TM9SF4: variants seen among roughly 807,000 people sequenced by gnomAD.
TM9SF4 encodes the protein dinucleotide oxidase disulfide thiol exchanger 3 superfamily member 4.
A neutral mutation model predicts 90.4 loss-of-function variants in TM9SF4; 26 were observed. The observed-to-expected ratio is 0.29, with a 90% CI of 0.21 to 0.40. The LOEUF is 0.40. TM9SF4 is among the 10% of genes least tolerant of loss of function. TM9SF4 has a pLI of 1.00. For missense variants in TM9SF4, 549 were observed against 834.8 expected (o/e 0.66, Z 4.22); for synonymous variants, 293 against 315.4 (o/e 0.93, Z 0.75).
chr20:32,146,946 A>G lies in TM9SF4; in HGVS notation c.954+91A>G, dbSNP rs182724675. 9.9e-4 allele frequency: 1,241 copies of G among 1,259,812 alleles called. 2 individuals are homozygous for G. The highest frequency in any genetic ancestry group is 2.8e-3 in the Admixed American group (127 of 44,650). The allele number at this position is 1,259,812 out of a possible 1,614,324, so 78.0% of individuals were successfully genotyped here. A position where few individuals can be genotyped will look rare whatever the true frequency, so the allele number is the denominator to read the frequency against. ...TATGTTTGTGTATATTATCATTCAA[A>G]GAGGAAACCTCAAAATACTAAAACA... is the stretch of plus-strand genomic sequence containing the variant. On this transcript the variant is annotated intron_variant, in intron 9 of 17. Transcript: ENST00000398022.
intron 12 of TM9SF4, among the ~76,000 whole-genome samples, chr20:32,154,253 A>G (rs2046884901): frequency 6.6e-6 from 1 of 151,738 alleles, no homozygotes; most frequent in South Asian, 2.1e-4. Flanking sequence ...GGCTCAAGCA[A>G]TCCATCTGTT....
At chr20:32,151,394 T>A (rs2046838184) in intron 12 of TM9SF4, among the ~76,000 whole-genome samples, 2 of 152,038 alleles carry the variant, frequency 1.3e-5, no homozygotes, top group African/African-American at 4.8e-5. Flanking sequence ...AGAGGGGGTC[T>A]CGAGATTGAC....
chr20:32,133,053 G>A lies in TM9SF4; in HGVS notation c.56G>A (p.Cys19Tyr), dbSNP rs774241363. 1.2e-6 allele frequency: 2 copies of A among 1,614,196 alleles called. No individual in the cohort carries two copies. The highest frequency in any genetic ancestry group is 2.2e-5 in the East Asian group (1 of 44,888). ...TCTTTACTGCTTTTCTCCCTGATGTGTGAAACAAGCGCCTTCTATGTGCCT... is the reference window on the plus strand; with the variant it reads ...TCTTTACTGCTTTTCTCCCTGATGTATGAAACAAGCGCCTTCTATGTGCCT... ...PWSLLLFSLM[C>Y]ETSAFYVPGV... Residue 19 changes from cysteine to tyrosine, a missense_variant, in exon 2 of 18, where the codon TGT becomes TAT. Cys to Tyr is a radical substitution (Grantham distance 194). This residue lies in a region of TM9SF4 where 495 missense variants were observed against 711.7 expected (regional missense o/e 0.70). Transcript: ENST00000398022.
intron 17 of TM9SF4, among the ~76,000 whole-genome samples, chr20:32,164,542 G>A (rs989936475): frequency 3.3e-5 from 5 of 152,144 alleles, no homozygotes; most frequent in Non-Finnish European, 5.9e-5. Flanking sequence ...GGAGAGATGC[G>A]GGGCTGAGCC....
intron 12 of TM9SF4, among the ~76,000 whole-genome samples, chr20:32,154,456 T>C (rs1026198525): frequency 1.1e-4 from 16 of 151,200 alleles, no homozygotes; most frequent in Non-Finnish European, 1.8e-4. Flanking sequence ...TAACGTGTTC[T>C]TTTTTTCTTT....
intron 1 of TM9SF4, among the ~76,000 whole-genome samples, chr20:32,122,988 G>C (rs1188438042): frequency 6.6e-6 from 1 of 151,474 alleles, no homozygotes; most frequent in South Asian, 2.1e-4. Context: ...CCAACACAGC[G>C]AAACCCCGTC....
chr20:32,140,861 G>A (rs2046664034), intron 3 of TM9SF4, among the ~76,000 whole-genome samples: 1 of 152,012 alleles, frequency 6.6e-6, no homozygotes, highest in African/African-American at 2.4e-5. Context: ...CTTCTGGGGA[G>A]GCCAGGAGCA....
Position 32,161,640 on chromosome 20 carries a change from G to A in TM9SF4, c.1779+275G>A, listed in dbSNP as rs2047020719. On this transcript the variant is annotated intron_variant, in intron 17 of 17. Transcript: ENST00000398022. Reference sequence around the variant, plus strand: ...ACGAGGTATAGCCATAGCCAAAGCAGGACTTGAAAGCAATATGTCACCTGC... The same window carrying A: ...ACGAGGTATAGCCATAGCCAAAGCAAGACTTGAAAGCAATATGTCACCTGC... 4.6e-5 allele frequency among the ~76,000 whole-genome samples: 7 copies of A among 152,278 alleles called. No individual in the cohort carries two copies. In the South Asian group the frequency reaches 1.5e-3, roughly 32 times the overall value.
At chr20:32,157,730 C>A (rs777684929) in intron 13 of TM9SF4, 64 bp from the exon 14 acceptor site, 7 of 1,584,404 alleles carry the variant, frequency 4.4e-6, no homozygotes, top group South Asian at 1.2e-5. Flanking sequence ...GTCCCCTCCC[C>A]CTTGCGCAGC....
At chr20:32,142,881 G>A (rs2046700800) in intron 5 of TM9SF4, 101 bp from the exon 6 acceptor site, 1 of 1,490,918 alleles carries the variant, frequency 6.7e-7, no homozygotes, top group Non-Finnish European at 9.2e-7. Context: ...GTTTTAGGAA[G>A]GTTGGTACAA....
In TM9SF4 at chr20:32,144,575, A is replaced by G. The variant is rs542439804; in HGVS notation, c.653-516A>G. ...ATGCACAGGCCTCTCTGCAGCCCCT[A>G]AGGACCTTCAGAAAGTCAGGGCTCT... On this transcript the variant is annotated intron_variant, in intron 6 of 17. Transcript: ENST00000398022. 2.6e-5 allele frequency among the ~76,000 whole-genome samples: 4 copies of G among 152,282 alleles called. No individual in the cohort carries two copies. The East Asian group carries it at 7.7e-4, about 29-fold the overall frequency.
chr20:32,140,853 T>TC (rs11481274), intron 3 of TM9SF4, among the ~76,000 whole-genome samples: 68,952 of 151,640 alleles, frequency 0.45, 16,192 homozygotes, highest in East Asian at 0.82. Context: ...AAACTGGGCT[T>TC]CTGGGGAGGC....
chr20:32,155,685 G>A (rs1273856021), intron 13 of TM9SF4, among the ~76,000 whole-genome samples: 1 of 152,206 alleles, frequency 6.6e-6, no homozygotes, highest in Non-Finnish European at 1.5e-5. Flanking sequence ...GACTCACTGA[G>A]GAGGATTTTG....
intron 1 of TM9SF4, among the ~76,000 whole-genome samples, chr20:32,121,809 G>A (rs1156751839): frequency 2.3e-4 from 35 of 150,734 alleles, no homozygotes; most frequent in Non-Finnish European, 4.7e-4. Context: ...CCTCCTGGAC[G>A]GGGCGGCTGG....
rs201052909 is a variant in TM9SF4, at chr20:32,141,663, C to T, written c.396C>T (p.His132=). The stretch of plus-strand genomic sequence containing the variant: ...GGATCACAGAAGACTACTACGTCCA[C>T]CTGTAAGTCGCCCTGTGCTCCTTGC... ...AERITEDYYV[H]LIADNLPVAT... is the part of the protein sequence containing the mutation. Residue 132 remains histidine, a splice_region_variant and synonymous_variant, in exon 4 of 18, where the codon CAC becomes CAT. Coordinates refer to ENST00000398022, the MANE Select transcript of TM9SF4 (RefSeq NM_014742.4). 34 of 1,614,072 alleles carry T rather than the reference C, an allele frequency of 2.1e-5. 1 individual carries two copies. The Admixed American group carries it at 4.7e-4, about 22-fold the overall frequency.
At position 32,150,766 on chromosome 20, in the gene TM9SF4, C is replaced by T. The variant is rs931595007; in HGVS notation, c.1170-34C>T. The stretch of plus-strand genomic sequence containing the variant: ...GCCTCCTCCACACCAGCTAATGGGT[C>T]CCCTTGGTGTGGATCCCTGCCATTT... On this transcript the variant is annotated intron_variant, in intron 11 of 17. Transcript: ENST00000398022. The T allele has an allele frequency of 3.7e-6, 6 of 1,614,056 alleles. No individual in the cohort carries two copies. The East Asian group carries it at 8.9e-5, about 24-fold the overall frequency.
At position 32,122,857 on chromosome 20, in the gene TM9SF4, A is replaced by G. The variant is rs553436900; in HGVS notation, c.16-10156A>G. Among the ~76,000 whole-genome samples, 10 of 152,000 alleles carry G rather than the reference A, an allele frequency of 6.6e-5. No individual in the cohort carries two copies. The South Asian group carries it at 1.0e-3, about 16-fold the overall frequency. On this transcript the variant is annotated intron_variant, in intron 1 of 17. Coordinates refer to ENST00000398022, the MANE Select transcript of TM9SF4 (RefSeq NM_014742.4). ...GGTTGTAGCGAGCCGAGATCACGCC[A>G]CTTCACTCCAGCCTGGGCGCCATTG...
chr20:32,158,424 C>T lies in TM9SF4; in HGVS notation c.1506-27C>T, dbSNP rs1189792849. On this transcript the variant is annotated intron_variant, in intron 14 of 17. Transcript: ENST00000398022. Reference sequence around the variant, plus strand: ...GGCTTCCTGGTGGCCTGGTCTCTAACAATGTCAACCTCTCGTTCTGTGGCA... The same window carrying T: ...GGCTTCCTGGTGGCCTGGTCTCTAATAATGTCAACCTCTCGTTCTGTGGCA... The T allele has an allele frequency of 2.5e-6, 4 of 1,613,792 alleles. No homozygotes were observed. The Admixed American group carries it at 5.0e-5, about 20-fold the overall frequency.
rs71185385 is a variant in TM9SF4 at position 32,156,942 on chromosome 20, C to CTTTTTTTTTTTTT, written c.1330-849_1330-837dup. On this transcript the variant is annotated intron_variant, in intron 13 of 17. Transcript: ENST00000398022. ...TATTTTTTTTTTTCCTGGACATTTT[C>CTTTTTTTTTTTTT]TTTTTTTTTTTTTTTGAGACGAAGT... Among the ~76,000 whole-genome samples the CTTTTTTTTTTTTT allele has an allele frequency of 4.2e-3, 439 of 103,440 alleles. 17 individuals carry two copies. The highest frequency in any genetic ancestry group is 8.7e-3 in the East Asian group (28 of 3,222). The allele number at this position is 103,440 out of a possible 152,430, so 67.9% of individuals were successfully genotyped here.
Sources: allele counts gnomAD v4.1 joint callset (sites outside exome capture counted in the v4.1 genomes callset), GRCh38; gene constraint gnomAD v4.1.1; regional missense constraint gnomAD v4.1.1; transcripts MANE v1.5; gene names NCBI Gene and HGNC (gene_info 2026-07-23, HGNC 2026-07-21).